Variants in EIF3L observed in about 807,000 individuals in gnomAD.
EIF3L encodes the protein eukaryotic translation initiation factor 3 subunit L.
EIF3L carries 32 observed loss-of-function variants against 74.6 expected under a neutral mutation model. The ratio of observed to expected loss-of-function variants is 0.43; its 90% confidence interval spans 0.32 to 0.58. EIF3L has a LOEUF of 0.58. EIF3L is among the 20% of genes least tolerant of loss of function. The pLI, the probability that EIF3L is intolerant of heterozygous loss-of-function variation, is 0.06. For synonymous variants in EIF3L, 256 were observed against 254.4 expected (o/e 1.01, Z -0.06); for missense variants, 474 against 707.8 (o/e 0.67, Z 3.75).
At chr22:37,873,450 ACCATGC>A (rs1225307060) in intron 8 of EIF3L, among the ~76,000 whole-genome samples, 2 of 150,766 alleles carry the variant, frequency 1.3e-5, no homozygotes, top group Non-Finnish European at 3.0e-5. Context: ...GGCGCCCACC[ACCATGC>A]CCGGCTAATT....
At chr22:37,874,951 G>A (rs1006571039) in intron 9 of EIF3L, among the ~76,000 whole-genome samples, 1 of 145,034 alleles carries the variant, frequency 6.9e-6, no homozygotes. Context: ...CACCGTGTTG[G>A]CCAAGATGGT....
chr22:37,872,397 T>A (rs57514021), intron 8 of EIF3L, among the ~76,000 whole-genome samples: 6,433 of 152,220 alleles, frequency 0.042, 446 homozygotes, highest in African/African-American at 0.14. Flanking sequence ...GTGCTGGGGT[T>A]ACATGCATGA....
intron 11 of EIF3L, chr22:37,881,719 G>T (rs927978661): frequency 6.6e-6 from 1 of 151,968 alleles, no homozygotes. Context: ...GTCAGCCCAG[G>T]TTTTCTAAGA....
At chr22:37,885,724 A>G (rs915395446) in intron 11 of EIF3L, 4 of 148,804 alleles carry the variant, frequency 2.7e-5, no homozygotes, top group Admixed American at 6.7e-5. Flanking sequence ...GCTCACTGCA[A>G]CCTCTCCCTC....
chr22:37,879,490 T>C (rs1445334250), intron 11 of EIF3L: 1 of 148,478 alleles, frequency 6.7e-6, no homozygotes, highest in Non-Finnish European at 1.5e-5. Flanking sequence ...CGACACTCCG[T>C]CTCAAAAAAA....
At chr22:37,860,695 C>T (rs952821224) in intron 5 of EIF3L, among the ~76,000 whole-genome samples, 2 of 152,090 alleles carry the variant, frequency 1.3e-5, no homozygotes, top group African/African-American at 4.8e-5. Context: ...CTTGAATCAG[C>T]CACTTTTCAC....
rs77635381 is a variant in EIF3L, at chr22:37,852,904, C to T, written c.293+1414C>T. On this transcript the variant is annotated intron_variant, in intron 3 of 12. Coordinates refer to ENST00000652021, the MANE Select transcript of EIF3L (RefSeq NM_016091.4). The stretch of plus-strand genomic sequence containing the variant: ...TGTTCGGAGGTTGAACACCTCCAGC[C>T]GAAGAAGGTGCAGCATCGAGGTCTT... Among the ~76,000 whole-genome samples the T allele has an allele frequency of 6.0e-3, 908 of 152,102 alleles. 6 individuals are homozygous for T. The highest frequency in any genetic ancestry group is 0.021 in the African/African-American group (873 of 41,474).
intron 7 of EIF3L, among the ~76,000 whole-genome samples, chr22:37,866,204 G>A (rs150240179): frequency 5.6e-4 from 85 of 152,208 alleles, no homozygotes; most frequent in African/African-American, 1.8e-3. Flanking sequence ...AAATGGTTAC[G>A]TACTCTATTG....
chr22:37,868,106 T>C (rs1926257267), intron 7 of EIF3L, among the ~76,000 whole-genome samples: 1 of 145,998 alleles, frequency 6.8e-6, no homozygotes, highest in African/African-American at 2.6e-5. Flanking sequence ...GAATTCTTTG[T>C]AGGATTTTTT....
At position 37,858,219 on chromosome 22, in the gene EIF3L, CT is replaced by C. The variant is rs549425262; in HGVS notation, c.374-435del. Among the ~76,000 whole-genome samples the C allele has an allele frequency of 6.9e-3, 586 of 85,034 alleles. 1 individual carries two copies. Among genetic ancestry groups the C allele is most frequent in the African/African-American group, 0.021 (430 of 20,516 alleles). 55.8% of individuals were successfully genotyped at this position (85,034 alleles called of 152,430 possible). On this transcript the variant is annotated intron_variant, in intron 4 of 12. Transcript: ENST00000652021. ...TCTGAAATTAATATTTTCTTTCTTC[CT>C]TTTTTTTTTTTTTTTTTTTTTTTTG...
chr22:37,862,092 TC>T (rs1384873353), intron 5 of EIF3L, among the ~76,000 whole-genome samples: 1 of 152,216 alleles, frequency 6.6e-6, no homozygotes, highest in Non-Finnish European at 1.5e-5. Context: ...CACTTCAGCC[TC>T]CCAGAGTGTT....
At chr22:37,874,581 A>T in intron 9 of EIF3L, 57 bp downstream of exon 9, 2 of 1,571,978 alleles carry the variant, frequency 1.3e-6, no homozygotes, top group Non-Finnish European at 1.7e-6. Context: ...ATTTCTAGAG[A>T]ACCACTCTGA....
chr22:37,870,415 T>C, intron 8 of EIF3L, 68 bp downstream of exon 8: 10 of 1,453,914 alleles, frequency 6.9e-6, no homozygotes, highest in Non-Finnish European at 9.4e-6. Context: ...TCCAAATGAA[T>C]AGATCACTGC....
At chr22:37,873,186 A>G (rs527949696) in intron 8 of EIF3L, among the ~76,000 whole-genome samples, 1 of 151,838 alleles carries the variant, frequency 6.6e-6, no homozygotes, top group Non-Finnish European at 1.5e-5. Context: ...ACGGGGCTTC[A>G]CCATGTTGGG....
intron 4 of EIF3L, 77 bp from the exon 5 acceptor site, chr22:37,858,602 T>C: frequency 1.5e-6 from 2 of 1,302,216 alleles, no homozygotes. Context: ...CCTTTATTCC[T>C]CCCCACCAAA....
intron 8 of EIF3L, among the ~76,000 whole-genome samples, chr22:37,872,244 G>A (rs1158846581): frequency 1.3e-5 from 2 of 151,742 alleles, no homozygotes; most frequent in African/African-American, 4.8e-5. Context: ...CAGCCTCCAG[G>A]GATATAGAAA....
intron 3 of EIF3L, among the ~76,000 whole-genome samples, chr22:37,852,171 A>G (rs1421066757): frequency 1.3e-5 from 2 of 151,924 alleles, no homozygotes; most frequent in Non-Finnish European, 2.9e-5. Flanking sequence ...CAATTATAAT[A>G]ATAATGATTA....
intron 10 of EIF3L, chr22:37,876,266 C>CTTAA: frequency 5.6e-6 from 2 of 359,674 alleles, no homozygotes; most frequent in Admixed American, 4.6e-5. Flanking sequence ...AATAGCTGGG[C>CTTAA]TTAAAGGCGC....
rs9607496 is a variant in EIF3L at position 37,851,734 on chromosome 22, C to T, written c.293+244C>T. ...AGGCTGGAGTGCAGTGGCAAGATCT[C>T]GGCTCACTGCAACCTCCGCCTCCTG... On this transcript the variant is annotated intron_variant, in intron 3 of 12. Transcript: ENST00000652021. Among the ~76,000 whole-genome samples, 344 of 152,234 alleles carry T rather than the reference C, an allele frequency of 2.3e-3. 1 individual carries two copies. Among genetic ancestry groups the T allele is most frequent in the Non-Finnish European group, 3.8e-3 (256 of 67,992 alleles).
Sources: allele counts gnomAD v4.1 joint callset (sites outside exome capture counted in the v4.1 genomes callset), GRCh38; gene constraint gnomAD v4.1.1; transcripts MANE v1.5; gene names NCBI Gene and HGNC (gene_info 2026-07-23, HGNC 2026-07-21).